CGNL1: variants seen among roughly 807,000 people sequenced by gnomAD.
CGNL1 encodes the protein cingulin like 1.
In CGNL1, 132 loss-of-function variants were observed where a neutral mutation model predicts 141.2. The ratio of observed to expected loss-of-function variants is 0.93; its 90% CI spans 0.81 to 1.08. The LOEUF (loss-of-function observed/expected upper bound fraction) is 1.08, where lower values mean the gene tolerates loss of function less well. Ranked by LOEUF, CGNL1 falls within the 50% of genes least tolerant of loss-of-function variation. CGNL1 has a pLI of 0.00. For missense variants in CGNL1, 1,870 were observed against 1,588.6 expected (o/e 1.18, Z -3.01); for synonymous variants, 690 against 622.1 (o/e 1.11, Z -1.63).
intron 8 of CGNL1, among the ~76,000 whole-genome samples, chr15:57,485,785 A>C (rs2063777836): frequency 6.6e-6 from 1 of 152,190 alleles, no homozygotes; most frequent in South Asian, 2.1e-4. Flanking sequence ...CTCACAATAC[A>C]TTTGGAGGAT....
intron 7 of CGNL1, among the ~76,000 whole-genome samples, chr15:57,458,221 A>G (rs1302162042): frequency 1.3e-5 from 2 of 152,170 alleles, no homozygotes; most frequent in Non-Finnish European, 2.9e-5. Context: ...CTTTAACTGG[A>G]TTCCATAGAG....
chr15:57,481,064 GTTTT>G (rs11298152), intron 8 of CGNL1, among the ~76,000 whole-genome samples: 1 of 116,082 alleles, frequency 8.6e-6, no homozygotes, highest in African/African-American at 3.1e-5. Flanking sequence ...AAGACCTGGG[GTTTT>G]TTTTTTTTTT....
intron 8 of CGNL1, among the ~76,000 whole-genome samples, chr15:57,490,399 C>A (rs763738930): frequency 1.8e-5 from 1 of 56,414 alleles, no homozygotes; most frequent in African/African-American, 6.3e-5. Context: ...GTGCTCCAAA[C>A]ACACACACAC....
chr15:57,490,992 G>A (rs1409124564), intron 8 of CGNL1, among the ~76,000 whole-genome samples: 1 of 152,180 alleles, frequency 6.6e-6, no homozygotes, highest in East Asian at 1.9e-4. Context: ...AAACCAGGGA[G>A]TCTGAGGAGC....
At chr15:57,526,988 G>C (rs1039381534) in intron 12 of CGNL1, among the ~76,000 whole-genome samples, 4 of 152,298 alleles carry the variant, frequency 2.6e-5, no homozygotes, top group African/African-American at 9.6e-5. Flanking sequence ...TCTCATAATA[G>C]CTTTAGAAGG....
At chr15:57,467,121 C>T (rs2063519651) in intron 8 of CGNL1, among the ~76,000 whole-genome samples, 1 of 152,174 alleles carries the variant, frequency 6.6e-6, no homozygotes, top group Admixed American at 6.5e-5. Context: ...AAGTACAGGG[C>T]ATCGTGCTAA....
intron 4 of CGNL1, among the ~76,000 whole-genome samples, chr15:57,450,513 G>A (rs2063309754): frequency 6.6e-6 from 1 of 152,196 alleles, no homozygotes; most frequent in African/African-American, 2.4e-5. Flanking sequence ...CTGACCTCAG[G>A]TGATCGTTCT....
intron 8 of CGNL1, among the ~76,000 whole-genome samples, chr15:57,465,664 C>A (rs1182759108): frequency 1.3e-5 from 2 of 152,016 alleles, no homozygotes; most frequent in African/African-American, 4.8e-5. Flanking sequence ...AAAAAAAGGA[C>A]ATTTCTTTAA....
intron 1 of CGNL1, among the ~76,000 whole-genome samples, chr15:57,396,676 A>G (rs1204006426): frequency 6.6e-6 from 1 of 152,104 alleles, no homozygotes; most frequent in Non-Finnish European, 1.5e-5. Flanking sequence ...GCTGTATTCT[A>G]TACTGTGAAA....
chr15:57,540,591 A>G (rs2032511535), intron 14 of CGNL1, among the ~76,000 whole-genome samples: 1 of 152,056 alleles, frequency 6.6e-6, no homozygotes, highest in African/African-American at 2.4e-5. Context: ...TACCCTGTCT[A>G]TCCCTGATCT....
chr15:57,392,982 TG>T (rs1319529524), intron 1 of CGNL1, among the ~76,000 whole-genome samples: 1 of 152,160 alleles, frequency 6.6e-6, no homozygotes, highest in African/African-American at 2.4e-5. Context: ...ATATGCCTGT[TG>T]GTGAGATGAA....
At chr15:57,464,073 CTT>C (rs34545500) in intron 8 of CGNL1, among the ~76,000 whole-genome samples, 2 of 149,096 alleles carry the variant, frequency 1.3e-5, no homozygotes, top group Non-Finnish European at 3.0e-5. Flanking sequence ...CACTTTTGTC[CTT>C]TTTTTTTTTC....
At chr15:57,447,595 G>A (rs1225141563) in intron 4 of CGNL1, among the ~76,000 whole-genome samples, 1 of 152,154 alleles carries the variant, frequency 6.6e-6, no homozygotes, top group Non-Finnish European at 1.5e-5. Flanking sequence ...GTGCCTAAGA[G>A]TGGTTTTTCT....
intron 8 of CGNL1, chr15:57,478,449 A>G (rs183119650): frequency 2.6e-5 from 4 of 152,392 alleles, no homozygotes; most frequent in African/African-American, 9.6e-5. Context: ...AGTCAACAGC[A>G]CAGCTCCTTC....
chr15:57,384,919 G>A (rs756136081), intron 1 of CGNL1, among the ~76,000 whole-genome samples: 129 of 152,328 alleles, frequency 8.5e-4, no homozygotes, highest in Middle Eastern at 3.4e-3. Context: ...AGTGTGTGGG[G>A]AGTGTTTTGC....
intron 1 of CGNL1, among the ~76,000 whole-genome samples, chr15:57,429,169 A>G (rs1351347318): frequency 6.6e-6 from 1 of 152,200 alleles, no homozygotes; most frequent in Non-Finnish European, 1.5e-5. Context: ...ACCTGAGCAT[A>G]AGGTATGCCC....
chr15:57,403,410 C>A (rs564414495), intron 1 of CGNL1, among the ~76,000 whole-genome samples: 1 of 152,200 alleles, frequency 6.6e-6, no homozygotes, highest in African/African-American at 2.4e-5. Context: ...TGCAAAGAAA[C>A]ACGAGGTTAA....
chr15:57,406,130 A>T (rs1247745706), intron 1 of CGNL1: 2 of 152,286 alleles, frequency 1.3e-5, no homozygotes, highest in Non-Finnish European at 2.9e-5. Context: ...GAGGGTGAGG[A>T]TGGGGCGGAG....
At chr15:57,436,016 G>A (rs1055383278) in intron 1 of CGNL1, among the ~76,000 whole-genome samples, 36 of 152,130 alleles carry the variant, frequency 2.4e-4, no homozygotes, top group Non-Finnish European at 4.9e-4. Context: ...AACAAAAACA[G>A]CACAGCAACA....
Sources: gnomAD v4.1 joint callset for allele counts (sites outside exome capture counted in the v4.1 genomes callset) on GRCh38, gnomAD v4.1.1 for gene constraint, MANE v1.5 for transcripts, NCBI Gene and HGNC (gene_info 2026-07-23, HGNC 2026-07-21) for gene names.